The following SERPINB10 variants were observed in gnomAD, a reference collection of about 807,000 sequenced individuals.
SERPINB10 encodes the protein serpin family B member 10.
A neutral mutation model predicts 39.1 loss-of-function variants in SERPINB10; 35 were observed. The ratio of observed to expected loss-of-function variants is 0.90; its 90% confidence interval spans 0.68 to 1.19. The LOEUF is 1.19. Ranked by LOEUF, SERPINB10 falls within the 50% of genes most tolerant of loss-of-function variation. The probability of loss-of-function intolerance (pLI) is 0.00; values close to 1 mark genes in which losing one functional copy is unlikely to be tolerated. For synonymous variants in SERPINB10, 190 were observed against 158.1 expected, an observed-to-expected ratio of 1.20 and a Z score of -1.52; for missense variants, 546 against 460.5, an observed-to-expected ratio of 1.19 and a Z score of -1.70.
chr18:63,916,908 A>G (rs910374916), intron 2 of SERPINB10, among the ~76,000 whole-genome samples: 3 of 151,998 alleles, frequency 2.0e-5, no homozygotes, highest in Non-Finnish European at 4.4e-5. Context: ...CTTCTGTTCT[A>G]TTGTTGTACA....
At position 63,909,059 on chromosome 18, in the gene SERPINB10, T is replaced by A. The variant is rs548002072; in HGVS notation, c.-10+1019T>A. ...AAATGGGGGAGCTGGGTTAGGGAGA[T>A]TCTAAGGGTCTTTCCAACACTGATG... is the stretch of plus-strand genomic sequence containing the variant. On this transcript the variant is annotated intron_variant, in intron 1 of 7. Coordinates refer to ENST00000238508, the MANE Select transcript of SERPINB10 (RefSeq NM_005024.3). Among the ~76,000 whole-genome samples the A allele has an allele frequency of 2.0e-5, 3 of 152,106 alleles. No individual in the cohort carries two copies. The East Asian group carries it at 5.8e-4, about 30-fold the overall frequency.
chr18:63,922,738 A>G (rs987686842), intron 5 of SERPINB10, among the ~76,000 whole-genome samples: 2 of 151,988 alleles, frequency 1.3e-5, no homozygotes, highest in African/African-American at 4.8e-5. Context: ...AGAGCTGTCC[A>G]GAAGATCTTC....
Position 63,935,196 on chromosome 18 carries a change from A to G in SERPINB10, c.1148A>G (p.Asn383Ser). Residue 383 changes from asparagine (N) to serine (S), a missense_variant, in exon 8 of 8, where the codon AAT (asparagine) becomes AGT (serine). Physicochemically the swap from Asn to Ser is conservative, Grantham distance 46. Coordinates refer to ENST00000238508, the MANE Select transcript of SERPINB10 (RefSeq NM_005024.3). Reference protein sequence around the residue: ...NHPFLFFIRHNKTNTILFYGR... With the variant: ...NHPFLFFIRHSKTNTILFYGR... The stretch of plus-strand genomic sequence containing the variant: ...CCATTCCTCTTCTTCATCAGGCACA[A>G]TAAAACCAACACCATTCTTTTTTAT... 2 of 1,609,520 alleles carry G rather than the reference A, an allele frequency of 1.2e-6. No individual in the cohort carries two copies. Among genetic ancestry groups the G allele is most frequent in the South Asian group, 1.1e-5 (1 of 90,624 alleles).
rs199906061 is a variant in SERPINB10, at chr18:63,935,061, A to T, written c.1013A>T (p.His338Leu). 30 of 1,614,106 alleles carry T rather than the reference A, an allele frequency of 1.9e-5. No individual in the cohort carries two copies. Among genetic ancestry groups the T allele is most frequent in the Admixed American group, 3.3e-5 (2 of 60,012 alleles). The part of the protein sequence containing the change: ...ARNLFLSNVF[H>L]KAFVEINEQG... Reference sequence around the variant, plus strand: ...AACCTATTTTTGTCCAATGTTTTCCATAAGGCTTTTGTGGAAATAAATGAA... The same window carrying T: ...AACCTATTTTTGTCCAATGTTTTCCTTAAGGCTTTTGTGGAAATAAATGAA... Residue 338 changes from histidine (H) to leucine (L), a missense_variant, in exon 8 of 8, where the codon CAT becomes CTT. His to Leu is a moderately conservative substitution (Grantham distance 99). Transcript: ENST00000238508.
intron 5 of SERPINB10, among the ~76,000 whole-genome samples, chr18:63,920,281 A>G (rs1389958278): frequency 6.6e-6 from 1 of 152,054 alleles, no homozygotes; most frequent in African/African-American, 2.4e-5. Context: ...TAAATGTGCT[A>G]TAGAATCTTA....
intron 6 of SERPINB10, among the ~76,000 whole-genome samples, chr18:63,932,079 T>C (rs895536624): frequency 1.3e-5 from 2 of 152,240 alleles, no homozygotes; most frequent in African/African-American, 4.8e-5. Context: ...CAGGGCTTCA[T>C]AGATCTTTTT....
At chr18:63,908,266 CA>C (rs1243283732) in intron 1 of SERPINB10, among the ~76,000 whole-genome samples, 1 of 151,888 alleles carries the variant, frequency 6.6e-6, no homozygotes, top group South Asian at 2.1e-4. Flanking sequence ...CATTCATTCC[CA>C]AAAAAAGTTA....
chr18:63,927,616 T>G (rs1042319484), intron 5 of SERPINB10, among the ~76,000 whole-genome samples: 2 of 143,216 alleles, frequency 1.4e-5, no homozygotes, highest in African/African-American at 5.2e-5. Context: ...GCCCTCCTGA[T>G]CTAATCCTTT....
At chr18:63,913,597 A>G (rs191850856) in intron 1 of SERPINB10, among the ~76,000 whole-genome samples, 89 of 152,072 alleles carry the variant, frequency 5.9e-4, no homozygotes, top group African/African-American at 2.1e-3. Context: ...TCTTCTTGGC[A>G]TTGATTTCTA....
intron 5 of SERPINB10, among the ~76,000 whole-genome samples, chr18:63,925,115 G>A (rs1040815835): frequency 6.6e-6 from 1 of 151,886 alleles, no homozygotes; most frequent in African/African-American, 2.4e-5. Flanking sequence ...TGAGAGCCAG[G>A]AAAGAAATTA....
At chr18:63,927,844 C>A (rs942997608) in intron 5 of SERPINB10, among the ~76,000 whole-genome samples, 15 of 152,006 alleles carry the variant, frequency 9.9e-5, no homozygotes, top group African/African-American at 3.6e-4. Context: ...AATGGGTTTA[C>A]GGATGGGAAT....
chr18:63,924,899 CTTGTAAAACAGCATTT>C (rs2050170137), intron 5 of SERPINB10, among the ~76,000 whole-genome samples: 1 of 151,752 alleles, frequency 6.6e-6, no homozygotes, highest in African/African-American at 2.4e-5. Flanking sequence ...ATTAAGTAAC[CTTGTAAAACAGCATTT>C]TTGACTATAA....
chr18:63,917,859 A>C (rs1481845907), intron 3 of SERPINB10, 106 bp from the exon 4 acceptor site: 19 of 1,015,368 alleles, frequency 1.9e-5, no homozygotes, highest in Non-Finnish European at 2.5e-5. Flanking sequence ...GAACATTTTC[A>C]ACTTTTGTTT....
intron 6 of SERPINB10, 40 bp from the exon 7 acceptor site, chr18:63,933,008 G>A: frequency 2.5e-6 from 4 of 1,579,368 alleles, no homozygotes; most frequent in Non-Finnish European, 3.4e-6. Flanking sequence ...CTTCTTCAAT[G>A]ACCTTGTTAC....
chr18:63,930,277 T>C, intron 6 of SERPINB10, 90 bp downstream of exon 6: 1 of 1,415,404 alleles, frequency 7.1e-7, no homozygotes, highest in South Asian at 1.2e-5. Flanking sequence ...AGATTGTATG[T>C]TCTAGTGAAC....
At chr18:63,919,683 GTGTGCA>G in intron 4 of SERPINB10, 99 bp from the exon 5 acceptor site, 1 of 691,184 alleles carries the variant, frequency 1.4e-6, no homozygotes, top group Admixed American at 2.3e-5. Flanking sequence ...TGGTGTGGGA[GTGTGCA>G]ATTGCCCGCC....
intron 1 of SERPINB10, among the ~76,000 whole-genome samples, chr18:63,914,492 C>T (rs1037354311): frequency 2.0e-5 from 3 of 151,970 alleles, no homozygotes; most frequent in Admixed American, 6.6e-5. Context: ...TTAACTTATT[C>T]GAGAAATTAT....
chr18:63,917,997 C>T lies in SERPINB10; in HGVS notation c.267C>T (p.His89=). The T allele has an allele frequency of 1.2e-6, 2 of 1,611,898 alleles. No individual in the cohort carries two copies. Among genetic ancestry groups the T allele is most frequent in the Non-Finnish European group, 1.7e-6 (2 of 1,178,610 alleles). The part of the protein sequence containing the change: ...EFNLSNSEEI[H]SDFQTLISEI... ...ACTTGAGCAACTCGGAAGAAATACA[C>T]TCTGATTTCCAAACACTTATCTCAG... The change falls in exon 4 of 8, where the codon CAC becomes CAT. Residue 89 remains histidine, a synonymous_variant. Transcript: ENST00000238508.
At chr18:63,933,982 T>C (rs1006339832) in intron 7 of SERPINB10, among the ~76,000 whole-genome samples, 1 of 152,130 alleles carries the variant, frequency 6.6e-6, no homozygotes, top group Non-Finnish European at 1.5e-5. Flanking sequence ...CTGGAGAGGA[T>C]AGTGAAAATA....
Sources: gnomAD v4.1 joint callset for allele counts (sites outside exome capture counted in the v4.1 genomes callset) on GRCh38, gnomAD v4.1.1 for gene constraint, MANE v1.5 for transcripts, NCBI Gene and HGNC (gene_info 2026-07-23, HGNC 2026-07-21) for gene names.